STK33: variants seen among roughly 807,000 people sequenced by gnomAD.
STK33 encodes the protein serine/threonine-protein kinase 33.
In STK33, 52 loss-of-function variants were observed where a neutral mutation model predicts 58.0. That is an observed-to-expected ratio of 0.90 (90% CI 0.72 to 1.13). The LOEUF (loss-of-function observed/expected upper bound fraction) is 1.13. Ranked by LOEUF, STK33 falls within the 50% of genes most tolerant of loss-of-function variation. STK33 has a pLI of 0.00. For missense variants in STK33, 630 were observed against 604.2 expected, an observed-to-expected ratio of 1.04 and a Z score of -0.45; for synonymous variants, 215 against 200.1, an observed-to-expected ratio of 1.07 and a Z score of -0.63.
chr11:8,454,845 TAAAC>T lies in STK33; in HGVS notation c.698-17_698-14del, dbSNP rs760909704. The T allele has an allele frequency of 4.6e-6, 7 of 1,528,708 alleles. No individual in the cohort carries two copies. The African/African-American group carries it at 9.8e-5, about 21-fold the overall frequency. The allele number at this position is 1,528,708 out of a possible 1,614,324, so 94.7% of individuals were successfully genotyped here. A position where few individuals can be genotyped will look rare whatever the true frequency, so the allele number is the denominator to read the frequency against. On this transcript the variant is annotated splice_polypyrimidine_tract_variant and intron_variant, in intron 9 of 15. Coordinates refer to ENST00000687296, the MANE Select transcript of STK33 (RefSeq NM_001352389.2). ...CTATGTACAATATCTACCAAGAAAA[TAAAC>T]AACAAATCAAATGAAATGAATAATG...
chr11:8,349,158 G>A, the STK33 span, among the ~76,000 whole-genome samples: 1 of 152,186 alleles, frequency 6.6e-6, no homozygotes, highest in African/African-American at 2.4e-5. Flanking sequence ...AGACATGTTG[G>A]TTGACTTTGC....
In STK33 at chr11:8,474,885, A is replaced by G. The variant is rs770926924; in HGVS notation, c.21T>C (p.Asp7=). 5.0e-6 allele frequency: 8 copies of G among 1,589,598 alleles called. No homozygotes were observed. In the South Asian group the frequency reaches 8.1e-5, roughly 16 times the overall value. Residue 7 remains aspartate, a synonymous_variant, in exon 5 of 16, where the codon GAT becomes GAC. Coordinates refer to ENST00000687296, the MANE Select transcript of STK33 (RefSeq NM_001352389.2). MADSGL[D]KKSTKCPDCS... is the part of the protein sequence containing the mutation. ...AGTCGGGGCATTTTGTGGATTTTTT[A>G]TCTAAGCCACTATCAGCCATTTGTT... is the stretch of plus-strand genomic sequence containing the variant.
intron 4 of STK33, 74 bp downstream of exon 4, chr11:8,476,613 G>C (rs1038328518): frequency 6.6e-6 from 1 of 152,144 alleles, no homozygotes; most frequent in African/African-American, 2.4e-5. Flanking sequence ...GCTTCACTGT[G>C]GCTTCTGCTC....
At chr11:8,538,756 C>A (rs144967525) in intron 1 of STK33, among the ~76,000 whole-genome samples, 2 of 152,176 alleles carry the variant, frequency 1.3e-5, no homozygotes, top group Admixed American at 1.3e-4. Context: ...TGAACACACA[C>A]ACATATGCAT....
chr11:8,508,044 T>C (rs909636502), intron 1 of STK33, among the ~76,000 whole-genome samples: 4 of 151,812 alleles, frequency 2.6e-5, no homozygotes, highest in Non-Finnish European at 4.4e-5. Flanking sequence ...GCACCCTCCA[T>C]CATGCCCAGC....
intron 6 of STK33, among the ~76,000 whole-genome samples, chr11:8,468,678 T>G (rs1211138923): frequency 6.6e-6 from 1 of 152,162 alleles, no homozygotes; most frequent in East Asian, 1.9e-4. Flanking sequence ...AAAACCTAGC[T>G]CTTCTCTCTT....
the STK33 span, among the ~76,000 whole-genome samples, chr11:8,344,425 C>T: frequency 8.7e-3 from 1,328 of 152,332 alleles, 19 homozygotes; most frequent in African/African-American, 0.03. Context: ...TTCTATAGCA[C>T]ATACTAGGTG....
intron 6 of STK33, 141 bp from the exon 7 acceptor site, chr11:8,464,963 T>C (rs1366556190): frequency 2.0e-6 from 1 of 502,818 alleles, no homozygotes; most frequent in Non-Finnish European, 3.5e-6. Flanking sequence ...ACTATATATT[T>C]GCTTCAATAT....
the STK33 span, among the ~76,000 whole-genome samples, chr11:8,347,850 C>T: frequency 1.3e-5 from 2 of 152,260 alleles, no homozygotes; most frequent in African/African-American, 4.8e-5. Context: ...CATTTAAGTG[C>T]TTTCTCTCCA....
At chr11:8,491,110 G>A (rs1424275569) in intron 1 of STK33, among the ~76,000 whole-genome samples, 6 of 152,204 alleles carry the variant, frequency 3.9e-5, no homozygotes, top group South Asian at 2.1e-4. Context: ...GTTGACAGAA[G>A]TAGGCTTCAG....
chr11:8,525,420 T>C lies in STK33; in HGVS notation c.-465-44806A>G, dbSNP rs148477511. ...AGAACAGCCAAACAGATGAAATATA[T>C]AGAACAGTGACACAGAAACAGACTC... On this transcript the variant is annotated intron_variant, in intron 1 of 15. Coordinates refer to ENST00000687296, the MANE Select transcript of STK33 (RefSeq NM_001352389.2). 1.2e-4 allele frequency among the ~76,000 whole-genome samples: 18 copies of C among 152,282 alleles called. 1 individual carries two copies. The highest frequency in any genetic ancestry group is 3.4e-3 in the Middle Eastern group (1 of 294).
downstream of STK33, among the ~76,000 whole-genome samples, chr11:8,390,081 C>T (rs1414071774): frequency 6.6e-6 from 1 of 152,126 alleles, no homozygotes; most frequent in Non-Finnish European, 1.5e-5. Context: ...TTTCATTTTG[C>T]TCCACATATC....
chr11:8,581,356 A>T (rs960303541), intron 1 of STK33, among the ~76,000 whole-genome samples: 6 of 152,040 alleles, frequency 3.9e-5, no homozygotes, highest in African/African-American at 9.7e-5. Context: ...CATATATATA[A>T]AAAAAATAGC....
At position 8,553,201 on chromosome 11, in the gene STK33, G is replaced by GTATATATA. The variant is rs60137762; in HGVS notation, c.-466+40874_-466+40881dup. On this transcript the variant is annotated intron_variant, in intron 1 of 15. Coordinates refer to ENST00000687296, the MANE Select transcript of STK33 (RefSeq NM_001352389.2). ...ATATATATATATATATATATATGGT[G>GTATATATA]TATATATATATATATATATATATGG... 4.3e-4 allele frequency among the ~76,000 whole-genome samples: 26 copies of GTATATATA among 61,128 alleles called. 1 individual carries two copies. In the South Asian group the frequency reaches 9.6e-3, roughly 23 times the overall value. 40.1% of individuals were successfully genotyped at this position (61,128 alleles called of 152,430 possible).
rs977618900 is a variant in STK33, at chr11:8,532,722, T to A, written c.-465-52108A>T. On this transcript the variant is annotated intron_variant, in intron 1 of 15. Transcript: ENST00000687296. ...AAACAACGTTGCAATTGATTAGAGATGTCTTCTACACACATTGAAAGGGTA... is the reference window on the plus strand; with the variant it reads ...AAACAACGTTGCAATTGATTAGAGAAGTCTTCTACACACATTGAAAGGGTA... Among the ~76,000 whole-genome samples, 7 of 152,202 alleles carry A rather than the reference T, an allele frequency of 4.6e-5. No homozygotes were observed. In the East Asian group the frequency reaches 1.2e-3, roughly 25 times the overall value.
the STK33 span, among the ~76,000 whole-genome samples, chr11:8,361,753 G>T: frequency 6.6e-6 from 1 of 152,220 alleles, no homozygotes; most frequent in Admixed American, 6.5e-5. This position sits in a 1 kb window ranked among gnomAD's most constrained non-coding sequence, Gnocchi z 4.8. Flanking sequence ...CTCTGCAAGG[G>T]TCAGGACAGG....
At chr11:8,337,646 G>T in the STK33 span, among the ~76,000 whole-genome samples, 257 of 21,676 alleles carry the variant, frequency 0.012, 2 homozygotes, top group African/African-American at 0.035. Context: ...GGCGGGGGGC[G>T]GGGGGGGGGC....
chr11:8,380,406 A>G, the STK33 span, among the ~76,000 whole-genome samples: 2 of 152,120 alleles, frequency 1.3e-5, no homozygotes, highest in Admixed American at 6.5e-5. Flanking sequence ...CTAAAAATAC[A>G]AAAAATAGCT....
chr11:8,353,364 C>T, the STK33 span, among the ~76,000 whole-genome samples: 1 of 152,236 alleles, frequency 6.6e-6, no homozygotes, highest in African/African-American at 2.4e-5. Flanking sequence ...GTTGTCAAAG[C>T]GTCCTTTTGT....
Sources: allele counts gnomAD v4.1 joint callset (sites outside exome capture counted in the v4.1 genomes callset), GRCh38; gene constraint gnomAD v4.1.1; non-coding constraint Gnocchi (gnomAD v3.1); transcripts MANE v1.5; gene names NCBI Gene and HGNC (gene_info 2026-07-23, HGNC 2026-07-21).